TIGD5: variants seen among roughly 807,000 people sequenced by gnomAD.
TIGD5 encodes the protein tigger transposable element-derived protein 5.
TIGD5 carries 24 observed loss-of-function variants against 28.8 expected under a neutral mutation model. The observed-to-expected ratio is 0.83, with a 90% CI of 0.60 to 1.17. TIGD5 has a LOEUF of 1.17. Ranked by LOEUF, TIGD5 falls within the 50% of genes most tolerant of loss-of-function variation. TIGD5 has a pLI of 0.00. For synonymous variants in TIGD5, 538 were observed against 430.5 expected, an observed-to-expected ratio of 1.25 and a Z score of -3.09; for missense variants, 922 against 911.4, an observed-to-expected ratio of 1.01 and a Z score of -0.15.
chr8:143,599,335 C>G lies in TIGD5; in HGVS notation c.1432C>G (p.Leu478Val), dbSNP rs377656208. The change falls in exon 1 of 1, where the codon CTG becomes GTG. Residue 478 changes from leucine to valine, a missense_variant. Physicochemically the swap from Leu to Val is conservative, Grantham distance 32 (BLOSUM62 1). Transcript: ENST00000504548. The stretch of plus-strand genomic sequence containing the variant: ...GGCGGGCAGCATTGAGCGCTGCTGG[C>G]TGCTGGGCCTGCGGGCTGCCTTCGA... Reference protein sequence around the residue: ...VQAGSIERCWLLGLRAAFEPR... With the variant: ...VQAGSIERCWVLGLRAAFEPR... 1.8e-5 allele frequency: 28 copies of G among 1,592,830 alleles called. No individual in the cohort carries two copies. The highest frequency in any genetic ancestry group is 4.0e-5 in the African/African-American group (3 of 74,468).
Position 143,599,508 on chromosome 8 carries a change from G to C in TIGD5, c.1605G>C (p.Leu535=). 6.3e-7 allele frequency: 1 copy of C among 1,590,502 alleles called. No individual in the cohort carries two copies. The highest frequency in any genetic ancestry group is 2.3e-5 in the East Asian group (1 of 43,782). The change falls in exon 1 of 1, where the codon CTG becomes CTC. Residue 535 remains leucine (L), a synonymous_variant. Transcript: ENST00000504548. ...AGGAGGTTGCGGAGTGGCTGCACCTGGACGATGATGGGGGTCCGCCCGAGG... is the reference window on the plus strand; with the variant it reads ...AGGAGGTTGCGGAGTGGCTGCACCTCGACGATGATGGGGGTCCGCCCGAGG... ...APEEVAEWLH[L]DDDGGPPEGC... is the part of the protein sequence containing the mutation.
At position 143,597,984 on chromosome 8, in the gene TIGD5, A is replaced by C. The variant is rs1829118124; in HGVS notation, c.81A>C (p.Pro27=). 2 of 973,540 alleles carry C rather than the reference A, an allele frequency of 2.1e-6. No individual in the cohort carries two copies. Among genetic ancestry groups the C allele is most frequent in the Non-Finnish European group, 2.5e-6 (2 of 789,852 alleles). The allele number at this position is 973,540 out of a possible 1,614,324, so 60.3% of individuals were successfully genotyped here. Residue 27 remains proline (P), a synonymous_variant, in exon 1 of 1, where the codon CCA becomes CCC. Transcript: ENST00000504548. The part of the protein sequence containing the change: ...RPLPGPPAPA[P]APVPAARPPP... ...TGCCCGGGCCCCCCGCGCCCGCCCC[A>C]GCCCCCGTCCCCGCTGCACGGCCGC...
chr8:143,598,684 C>A lies in TIGD5; in HGVS notation c.781C>A (p.Pro261Thr). The A allele has an allele frequency of 1.3e-6, 2 of 1,501,606 alleles. No individual in the cohort carries two copies. Among genetic ancestry groups the A allele is most frequent in the Non-Finnish European group, 1.8e-6 (2 of 1,136,054 alleles). The allele number at this position is 1,501,606 out of a possible 1,614,324, so 93.0% of individuals were successfully genotyped here. A position where few individuals can be genotyped will look rare whatever the true frequency, so the allele number is the denominator to read the frequency against. Residue 261 changes from proline (P) to threonine (T), a missense_variant, in exon 1 of 1, where the codon CCC (proline) becomes ACC (threonine). Pro to Thr is a conservative substitution (Grantham distance 38). This residue lies in a region of TIGD5 where 821 missense variants were observed against 815.2 expected (regional missense o/e 1.01). Transcript: ENST00000504548. The surrounding 1 kb of genome is among the most constrained non-coding windows in gnomAD (Gnocchi z 6.6). ...GGCTGCGCCCCCGGGCGCAGGGGAC[C>A]CCGGGGCGGGGGGCTGTGGCCGGCG... ...EQAAPPGAGD[P>T]GAGGCGRRWR...
Position 143,599,292 on chromosome 8 carries a change from C to G in TIGD5, c.1389C>G (p.Leu463=), listed in dbSNP as rs1829207895. Residue 463 remains leucine, a synonymous_variant, in exon 1 of 1, where the codon CTC becomes CTG. Transcript: ENST00000504548. ...AGGACATGCTCTACCTGGCTGGCCTCTCCTGGGACCTGGTGCAGGCGGGCA... is the reference window on the plus strand; with the variant it reads ...AGGACATGCTCTACCTGGCTGGCCTGTCCTGGGACCTGGTGCAGGCGGGCA... ...MLKDMLYLAG[L]SWDLVQAGSI... is the part of the protein sequence containing the mutation. 6.2e-7 allele frequency: 1 copy of G among 1,609,554 alleles called. No individual in the cohort carries two copies. The highest frequency in any genetic ancestry group is 1.3e-5 in the African/African-American group (1 of 75,004).
At position 143,598,505 on chromosome 8, in the gene TIGD5, C is replaced by G; in HGVS notation, c.602C>G (p.Pro201Arg). The G allele has an allele frequency of 7.3e-7, 1 of 1,367,588 alleles. No individual in the cohort carries two copies. The highest frequency in any genetic ancestry group is 9.4e-7 in the Non-Finnish European group (1 of 1,066,238). The allele number at this position is 1,367,588 out of a possible 1,614,324, so 84.7% of individuals were successfully genotyped here. Residue 201 changes from proline to arginine, a missense_variant, in exon 1 of 1, where the codon CCG becomes CGG. Coordinates refer to ENST00000504548, the MANE Select transcript of TIGD5 (RefSeq NM_032862.5). The surrounding 1 kb of genome is among the most constrained non-coding windows in gnomAD (Gnocchi z 6.6). ...GPPAPSPAPG[P>R]PVKEEPALPS... is the part of the protein sequence containing the mutation. ...CCAGCCCCGAGCCCCGCGCCCGGCC[C>G]GCCCGTCAAGGAGGAGCCCGCGCTG...
chr8:143,598,981 C>T lies in TIGD5; in HGVS notation c.1078C>T (p.Pro360Ser), dbSNP rs781465489. 1.3e-6 allele frequency: 2 copies of T among 1,576,566 alleles called. No individual in the cohort carries two copies. The highest frequency in any genetic ancestry group is 2.3e-5 in the East Asian group (1 of 43,486). ...QQKAVLLVAH[P>S]PCPSPAASMP... ...GAAGGCCGTGCTGCTGGTGGCCCACCCGCCCTGCCCAAGCCCAGCTGCCAG... is the reference window on the plus strand; with the variant it reads ...GAAGGCCGTGCTGCTGGTGGCCCACTCGCCCTGCCCAAGCCCAGCTGCCAG... The change falls in exon 1 of 1, where the codon CCG becomes TCG. Residue 360 changes from proline to serine, a missense_variant. Physicochemically the swap from Pro to Ser is moderately conservative, Grantham distance 74. This residue lies in a region of TIGD5 where 821 missense variants were observed against 815.2 expected (regional missense o/e 1.01). Coordinates refer to ENST00000504548, the MANE Select transcript of TIGD5 (RefSeq NM_032862.5). The surrounding 1 kb of genome is among the most constrained non-coding windows in gnomAD (Gnocchi z 6.6).
rs1395301520 is a variant in TIGD5, at chr8:143,600,739, T to C, written c.*907T>C. 6.6e-6 allele frequency: 1 copy of C among 152,290 alleles called. No homozygotes were observed. The highest frequency in any genetic ancestry group is 1.5e-5 in the Non-Finnish European group (1 of 68,068). 9.4% of individuals were successfully genotyped at this position (152,290 alleles called of 1,614,324 possible). On this transcript the variant is annotated 3_prime_UTR_variant, in exon 1 of 1. Transcript: ENST00000504548. ...GGCTCTCCTCCCCACCCTCAGACTT[T>C]TCTGCCTCTCCTGGGACTGCCAAGG...
Position 143,598,194 on chromosome 8 carries a change from G to C in TIGD5, c.291G>C (p.Lys97Asn), listed in dbSNP as rs1243409042. Residue 97 changes from lysine (K) to asparagine (N), a missense_variant, in exon 1 of 1, where the codon AAG becomes AAC. Around this residue, in one of 3 missense-constraint regions of TIGD5, gnomAD observed 821 missense variants for 815.2 expected, o/e 1.01. Transcript: ENST00000504548. This position sits in a 1 kb window ranked among gnomAD's most constrained non-coding sequence, Gnocchi z 6.6. ...TLRGWLKDEP[K>N]LRWFLEQLGG... Reference sequence around the variant, plus strand: ...GCGGCTGGCTCAAGGACGAGCCCAAGCTGCGCTGGTTCCTGGAGCAGCTGG... The same window carrying C: ...GCGGCTGGCTCAAGGACGAGCCCAACCTGCGCTGGTTCCTGGAGCAGCTGG... The C allele has an allele frequency of 5.6e-6, 9 of 1,606,258 alleles. No homozygotes were observed. The highest frequency in any genetic ancestry group is 7.6e-6 in the Non-Finnish European group (9 of 1,177,376).
chr8:143,597,864 TCCCGCGACCCGC>T lies in TIGD5; in HGVS notation c.-39_-28del. 1 of 672,568 alleles carries T rather than the reference TCCCGCGACCCGC, an allele frequency of 1.5e-6. No homozygotes were observed. The highest frequency in any genetic ancestry group is 2.0e-5 in the African/African-American group (1 of 50,172). The allele number at this position is 672,568 out of a possible 1,614,324, so 41.7% of individuals were successfully genotyped here. On this transcript the variant is annotated 5_prime_UTR_variant, in exon 1 of 1. Coordinates refer to ENST00000504548, the MANE Select transcript of TIGD5 (RefSeq NM_032862.5). ...CGCCCCGAGCGGCTGGGCGTGTGGC[TCCCGCGACCCGC>T]GCGGCCCGGGTCCCCCCCGCCGCAG...
rs2131381567 is a variant in TIGD5 at position 143,598,601 on chromosome 8, A to G, written c.698A>G (p.Asp233Gly). Reference sequence around the variant, plus strand: ...CCCCCGGCCGAGGGCGGCTACGGGGACGAGCAGATTTACAGCGCCAGCGTC... The same window carrying G: ...CCCCCGGCCGAGGGCGGCTACGGGGGCGAGCAGATTTACAGCGCCAGCGTC... ...PPPPAEGGYGDEQIYSASVTG... is the reference protein window; with the variant it reads ...PPPPAEGGYGGEQIYSASVTG... Residue 233 changes from aspartate (D) to glycine (G), a missense_variant, in exon 1 of 1, where the codon GAC (aspartate) becomes GGC (glycine). Transcript: ENST00000504548. The surrounding 1 kb of genome is among the most constrained non-coding windows in gnomAD (Gnocchi z 6.6). The G allele has an allele frequency of 5.8e-6, 7 of 1,205,878 alleles. No homozygotes were observed. The highest frequency in any genetic ancestry group is 4.1e-5 in the Admixed American group (1 of 24,370). The allele number at this position is 1,205,878 out of a possible 1,614,324, so 74.7% of individuals were successfully genotyped here.
In TIGD5 at chr8:143,600,148, G is replaced by T. The variant is rs936701623; in HGVS notation, c.*316G>T. The T allele has an allele frequency of 8.8e-6, 3 of 339,628 alleles. No homozygotes were observed. The highest frequency in any genetic ancestry group is 1.6e-5 in the Non-Finnish European group (3 of 187,874). 21.0% of individuals were successfully genotyped at this position (339,628 alleles called of 1,614,324 possible). Reference sequence around the variant, plus strand: ...CCTGCTCTGGCCCCCGTGGGGCTGGGCCTCCGCCCCTGCACCAGTCACATG... The same window carrying T: ...CCTGCTCTGGCCCCCGTGGGGCTGGTCCTCCGCCCCTGCACCAGTCACATG... On this transcript the variant is annotated 3_prime_UTR_variant, in exon 1 of 1. Transcript: ENST00000504548.
In TIGD5 at chr8:143,601,072, A is replaced by AT. The variant is rs1428186107; in HGVS notation, c.*1240_*1241insT. 6.6e-6 allele frequency: 1 copy of AT among 152,284 alleles called. No individual in the cohort carries two copies. Among genetic ancestry groups the AT allele is most frequent in the African/African-American group, 2.4e-5 (1 of 41,420 alleles). 9.4% of individuals were successfully genotyped at this position (152,284 alleles called of 1,614,324 possible). ...TTGAAAACCCAGAGTTGTGGAGTGC[A>AT]GGGGTAGGCTGGAGGCCTGCACGGG... On this transcript the variant is annotated 3_prime_UTR_variant, in exon 1 of 1. Transcript: ENST00000504548.
rs1320022824 is a variant in TIGD5 at position 143,599,898 on chromosome 8, A to G, written c.*66A>G. On this transcript the variant is annotated 3_prime_UTR_variant, in exon 1 of 1. Coordinates refer to ENST00000504548, the MANE Select transcript of TIGD5 (RefSeq NM_032862.5). ...GGAGGGGACATACACACAGTCTCCC[A>G]TCTCTCCTCCCCTCCCCCTGGGGTG... The G allele has an allele frequency of 1.4e-6, 2 of 1,406,250 alleles. No individual in the cohort carries two copies. The highest frequency in any genetic ancestry group is 2.7e-5 in the Admixed American group (1 of 36,394). The allele number at this position is 1,406,250 out of a possible 1,614,324, so 87.1% of individuals were successfully genotyped here.
rs1829203791 is a variant in TIGD5, at chr8:143,599,237, C to T, written c.1334C>T (p.Pro445Leu). 1 of 1,611,648 alleles carries T rather than the reference C, an allele frequency of 6.2e-7. No homozygotes were observed. ...RLAVSCASGS[P>L]LDFMRSFMLK... ...GCTGTGTCCTGCGCCAGCGGCTCCCCGCTGGACTTCATGCGCAGCTTCATG... is the reference window on the plus strand; with the variant it reads ...GCTGTGTCCTGCGCCAGCGGCTCCCTGCTGGACTTCATGCGCAGCTTCATG... Residue 445 changes from proline (P) to leucine (L), a missense_variant, in exon 1 of 1, where the codon CCG (proline) becomes CTG (leucine). By Grantham distance (98) the Pro-to-Leu change is moderately conservative. Coordinates refer to ENST00000504548, the MANE Select transcript of TIGD5 (RefSeq NM_032862.5).
rs1006624519 is a variant in TIGD5 at position 143,602,266 on chromosome 8, G to A, written c.*2434G>A. 6.6e-6 allele frequency: 1 copy of A among 152,260 alleles called. No homozygotes were observed. The highest frequency in any genetic ancestry group is 1.5e-5 in the Non-Finnish European group (1 of 68,084). The allele number at this position is 152,260 out of a possible 1,614,324, so 9.4% of individuals were successfully genotyped here. On this transcript the variant is annotated 3_prime_UTR_variant, in exon 1 of 1. Coordinates refer to ENST00000504548, the MANE Select transcript of TIGD5 (RefSeq NM_032862.5). The stretch of plus-strand genomic sequence containing the variant: ...CTGGCACAGGGTGCTGTGTGACAGA[G>A]GCTTGGCCGCTGGGCCCCGCTGCTG...
Position 143,598,173 on chromosome 8 carries a change from C to T in TIGD5, c.270C>T (p.Gly90=). The T allele has an allele frequency of 6.3e-7, 1 of 1,599,068 alleles. No individual in the cohort carries two copies. The highest frequency in any genetic ancestry group is 1.4e-5 in the African/African-American group (1 of 73,406). The change falls in exon 1 of 1, where the codon GGC becomes GGT. Residue 90 remains glycine, a synonymous_variant. Transcript: ENST00000504548. The surrounding 1 kb of genome is among the most constrained non-coding windows in gnomAD (Gnocchi z 6.6). ...DFGVPGGTLR[G]WLKDEPKLRW... ...GCGTGCCGGGCGGGACGCTGCGCGG[C>T]TGGCTCAAGGACGAGCCCAAGCTGC...
chr8:143,598,411 G>A lies in TIGD5; in HGVS notation c.508G>A (p.Gly170Ser). Residue 170 changes from glycine to serine, a missense_variant, in exon 1 of 1, where the codon GGC becomes AGC. Around this residue, in one of 3 missense-constraint regions of TIGD5, gnomAD observed 821 missense variants for 815.2 expected, o/e 1.01. Transcript: ENST00000504548. This position sits in a 1 kb window ranked among gnomAD's most constrained non-coding sequence, Gnocchi z 6.6. ...GPECTFKASHGWFWRWQKRHG... is the reference protein window; with the variant it reads ...GPECTFKASHSWFWRWQKRHG... ...CGAGTGCACCTTCAAGGCCAGCCAC[G>A]GCTGGTTCTGGCGCTGGCAGAAGCG... 1 of 1,520,080 alleles carries A rather than the reference G, an allele frequency of 6.6e-7. No individual in the cohort carries two copies. The highest frequency in any genetic ancestry group is 8.8e-7 in the Non-Finnish European group (1 of 1,137,406). The allele number at this position is 1,520,080 out of a possible 1,614,324, so 94.2% of individuals were successfully genotyped here.
Position 143,599,473 on chromosome 8 carries a change from C to A in TIGD5, c.1570C>A (p.Leu524Met). The A allele has an allele frequency of 6.3e-7, 1 of 1,591,556 alleles. No homozygotes were observed. The highest frequency in any genetic ancestry group is 2.3e-5 in the East Asian group (1 of 43,806). Reference sequence around the variant, plus strand: ...CCTGGCGGCTCTGGCCTACAAGTGCCTGGCTCCGGAGGAGGTTGCGGAGTG... The same window carrying A: ...CCTGGCGGCTCTGGCCTACAAGTGCATGGCTCCGGAGGAGGTTGCGGAGTG... ...THLAALAYKCLAPEEVAEWLH... is the reference protein window; with the variant it reads ...THLAALAYKCMAPEEVAEWLH... Residue 524 changes from leucine (L) to methionine (M), a missense_variant, in exon 1 of 1, where the codon CTG becomes ATG. Physicochemically the swap from Leu to Met is conservative, Grantham distance 15. This residue lies in a region of TIGD5 where 821 missense variants were observed against 815.2 expected (regional missense o/e 1.01). Transcript: ENST00000504548.
Position 143,598,849 on chromosome 8 carries a change from C to A in TIGD5, c.946C>A (p.Arg316Ser). The A allele has an allele frequency of 6.2e-7, 1 of 1,600,760 alleles. No homozygotes were observed. The highest frequency in any genetic ancestry group is 8.5e-7 in the Non-Finnish European group (1 of 1,179,606). ...HNQDKFPASY[R>S]YSPDAWLSRP... ...CCAGGACAAGTTCCCGGCCTCCTAC[C>A]GCTACAGCCCCGACGCCTGGCTCAG... The change falls in exon 1 of 1, where the codon CGC (arginine) becomes AGC (serine). Residue 316 changes from arginine to serine, a missense_variant. Coordinates refer to ENST00000504548, the MANE Select transcript of TIGD5 (RefSeq NM_032862.5). The surrounding 1 kb of genome is among the most constrained non-coding windows in gnomAD (Gnocchi z 6.6).
Sources: gnomAD v4.1 joint callset for allele counts on GRCh38, gnomAD v4.1.1 for gene constraint, gnomAD v4.1.1 regional missense constraint, Gnocchi (gnomAD v3.1) non-coding constraint, MANE v1.5 for transcripts, NCBI Gene and HGNC (gene_info 2026-07-23, HGNC 2026-07-21) for gene names.